The following SDHAF1 variants were observed in gnomAD, a reference collection of about 807,000 sequenced individuals.
The protein encoded by SDHAF1 is succinate dehydrogenase complex assembly factor 1, also known as succinate dehydrogenase assembly factor 1, mitochondrial.
For missense variants in SDHAF1, 198 were observed against 179.0 expected (o/e 1.11, Z -0.61); for synonymous variants, 81 against 85.8 (o/e 0.94, Z 0.31).
In SDHAF1 at chr19:35,995,653, T is replaced by G; in HGVS notation, c.*31T>G. The G allele has an allele frequency of 2.6e-6, 4 of 1,509,894 alleles. No individual in the cohort carries two copies. The highest frequency in any genetic ancestry group is 3.6e-6 in the Non-Finnish European group (4 of 1,110,612). The allele number at this position is 1,509,894 out of a possible 1,614,324, so 93.5% of individuals were successfully genotyped here. A position where few individuals can be genotyped will look rare whatever the true frequency, so the allele number is the denominator to read the frequency against. ...GAAGAGCCGAACTCGCTCGATGGCG[T>G]GGTGGAGCCAGGAGGCTCGCCTGAC... On this transcript the variant is annotated 3_prime_UTR_variant, in exon 1 of 1. Coordinates refer to ENST00000378887, the MANE Select transcript of SDHAF1 (RefSeq NM_001042631.3).
In SDHAF1 at chr19:35,995,424, C is replaced by G. The variant is rs775386930; in HGVS notation, c.150C>G (p.Ile50Met). 5.7e-6 allele frequency: 9 copies of G among 1,571,076 alleles called. 1 individual carries two copies. Among genetic ancestry groups the G allele is most frequent in the South Asian group, 5.7e-5 (5 of 88,318 alleles). The change falls in exon 1 of 1, where the codon ATC (isoleucine) becomes ATG (methionine). Residue 50 changes from isoleucine (I) to methionine (M), a missense_variant. By Grantham distance (10) the Ile-to-Met change is conservative. Transcript: ENST00000378887. ...TGCCGCGGTCCGACGTGCTGCGCAT[C>G]GAGTACCTGTACCGCCGCGGGCGGC... Reference protein sequence around the residue: ...AGLPRSDVLRIEYLYRRGRRQ... With the variant: ...AGLPRSDVLRMEYLYRRGRRQ...
chr19:35,995,432 T>A lies in SDHAF1; in HGVS notation c.158T>A (p.Leu53Gln). Residue 53 changes from leucine to glutamine, a missense_variant, in exon 1 of 1, where the codon CTG becomes CAG. Coordinates refer to ENST00000378887, the MANE Select transcript of SDHAF1 (RefSeq NM_001042631.3). ...TCCGACGTGCTGCGCATCGAGTACC[T>A]GTACCGCCGCGGGCGGCGCCAGCTG... ...PRSDVLRIEY[L>Q]YRRGRRQLQL... 6.4e-7 allele frequency: 1 copy of A among 1,570,190 alleles called. No individual in the cohort carries two copies. Among genetic ancestry groups the A allele is most frequent in the Non-Finnish European group, 8.6e-7 (1 of 1,165,932 alleles).
At position 35,995,756 on chromosome 19, in the gene SDHAF1, C is replaced by A; in HGVS notation, c.*134C>A. On this transcript the variant is annotated 3_prime_UTR_variant, in exon 1 of 1. Transcript: ENST00000378887. ...CTTGACGAATTGGGGATGTCAGAGA[C>A]TCCTCCTTGGCGACGCAGGGGGCCT... 1 of 719,686 alleles carries A rather than the reference C, an allele frequency of 1.4e-6. No homozygotes were observed. Among genetic ancestry groups the A allele is most frequent in the Non-Finnish European group, 2.3e-6 (1 of 426,046 alleles). The allele number at this position is 719,686 out of a possible 1,614,324, so 44.6% of individuals were successfully genotyped here.
Position 35,995,983 on chromosome 19 carries a change from T to TAATGATCCGGC in SDHAF1, c.*361_*362insAATGATCCGGC. On this transcript the variant is annotated 3_prime_UTR_variant, in exon 1 of 1. Coordinates refer to ENST00000378887, the MANE Select transcript of SDHAF1 (RefSeq NM_001042631.3). ...GGGAGAGCCTGAGACGCCCTTCTCT[T>TAATGATCCGGC]GACCCCTGAGAACATACCCACTTCT... 1 of 331,628 alleles carries TAATGATCCGGC rather than the reference T, an allele frequency of 3.0e-6. No individual in the cohort carries two copies. The highest frequency in any genetic ancestry group is 5.9e-6 in the Non-Finnish European group (1 of 169,460). 20.5% of individuals were successfully genotyped at this position (331,628 alleles called of 1,614,324 possible). A position where few individuals can be genotyped will look rare whatever the true frequency, so the allele number is the denominator to read the frequency against.
Position 35,995,471 on chromosome 19 carries a change from C to T in SDHAF1, c.197C>T (p.Ser66Leu), listed in dbSNP as rs753758417. 5 of 1,556,436 alleles carry T rather than the reference C, an allele frequency of 3.2e-6. No homozygotes were observed. Among genetic ancestry groups the T allele is most frequent in the South Asian group, 2.3e-5 (2 of 86,974 alleles). ...RGRRQLQLLRSGHATAMGAFV... is the reference protein window; with the variant it reads ...RGRRQLQLLRLGHATAMGAFV... ...CGGCGCCAGCTGCAGCTGCTACGCT[C>T]GGGCCACGCCACCGCCATGGGCGCC... Residue 66 changes from serine to leucine, a missense_variant, in exon 1 of 1, where the codon TCG (serine) becomes TTG (leucine). Ser to Leu is a moderately radical substitution (Grantham distance 145). Coordinates refer to ENST00000378887, the MANE Select transcript of SDHAF1 (RefSeq NM_001042631.3).
In SDHAF1 at chr19:35,995,358, C is replaced by A; in HGVS notation, c.84C>A (p.Ala28=). The change falls in exon 1 of 1, where the codon GCC becomes GCA. Residue 28 remains alanine, a synonymous_variant. Coordinates refer to ENST00000378887, the MANE Select transcript of SDHAF1 (RefSeq NM_001042631.3). ...GCGCCGGGCGTGGGAAGCCGGGCGCCGAGGCGCGAGTGCGGGCAGAGTTCC... is the reference window on the plus strand; with the variant it reads ...GCGCCGGGCGTGGGAAGCCGGGCGCAGAGGCGCGAGTGCGGGCAGAGTTCC... The part of the protein sequence containing the change: ...LLRAGRGKPG[A]EARVRAEFRQ... 6.4e-7 allele frequency: 1 copy of A among 1,550,612 alleles called. No individual in the cohort carries two copies. Among genetic ancestry groups the A allele is most frequent in the African/African-American group, 1.4e-5 (1 of 73,674 alleles).
rs1976660576 is a variant in SDHAF1, at chr19:35,995,732, T to C, written c.*110T>C. The C allele has an allele frequency of 1.2e-6, 1 of 826,386 alleles. No individual in the cohort carries two copies. Among genetic ancestry groups the C allele is most frequent in the African/African-American group, 1.8e-5 (1 of 56,524 alleles). 51.2% of individuals were successfully genotyped at this position (826,386 alleles called of 1,614,324 possible). A position where few individuals can be genotyped will look rare whatever the true frequency, so the allele number is the denominator to read the frequency against. ...AGGTGAGAGGTCTTAAGAGACTAGC[T>C]TGACGAATTGGGGATGTCAGAGACT... is the stretch of plus-strand genomic sequence containing the variant. On this transcript the variant is annotated 3_prime_UTR_variant, in exon 1 of 1. Coordinates refer to ENST00000378887, the MANE Select transcript of SDHAF1 (RefSeq NM_001042631.3).
At position 35,995,341 on chromosome 19, in the gene SDHAF1, C is replaced by A. The variant is rs868714599; in HGVS notation, c.67C>A (p.Arg23Ser). Residue 23 changes from arginine (R) to serine (S), a missense_variant, in exon 1 of 1, where the codon CGT becomes AGT. Transcript: ENST00000378887. Reference protein sequence around the residue: ...SLYRDLLRAGRGKPGAEARVR... With the variant: ...SLYRDLLRAGSGKPGAEARVR... ...GTACCGCGATCTGCTGCGCGCCGGG[C>A]GTGGGAAGCCGGGCGCCGAGGCGCG... 7 of 1,549,424 alleles carry A rather than the reference C, an allele frequency of 4.5e-6. No homozygotes were observed. The South Asian group carries it at 7.0e-5, about 16-fold the overall frequency.
At position 35,995,199 on chromosome 19, in the gene SDHAF1, C is replaced by G. The variant is rs1976649785; in HGVS notation, c.-76C>G. The G allele has an allele frequency of 1.8e-6, 2 of 1,094,652 alleles. No individual in the cohort carries two copies. The highest frequency in any genetic ancestry group is 2.1e-5 in the Admixed American group (1 of 47,672). 67.8% of individuals were successfully genotyped at this position (1,094,652 alleles called of 1,614,324 possible). On this transcript the variant is annotated 5_prime_UTR_variant, in exon 1 of 1. Coordinates refer to ENST00000378887, the MANE Select transcript of SDHAF1 (RefSeq NM_001042631.3). ...GGGCGGAAGTGGCTGTGGCTTTGCCCTTTGGCCTTTGCTGGCTGTGTGGCG... is the reference window on the plus strand; with the variant it reads ...GGGCGGAAGTGGCTGTGGCTTTGCCGTTTGGCCTTTGCTGGCTGTGTGGCG...
At position 35,995,233 on chromosome 19, in the gene SDHAF1, G is replaced by T. The variant is rs1976650399; in HGVS notation, c.-42G>T. The T allele has an allele frequency of 7.1e-7, 1 of 1,414,680 alleles. No individual in the cohort carries two copies. Among genetic ancestry groups the T allele is most frequent in the Non-Finnish European group, 9.6e-7 (1 of 1,043,896 alleles). The allele number at this position is 1,414,680 out of a possible 1,614,324, so 87.6% of individuals were successfully genotyped here. Reference sequence around the variant, plus strand: ...TTGCTGGCTGTGTGGCGGCTCCGCGGTTCGCAGGTCGTTCGCTGAGCGTCT... The same window carrying T: ...TTGCTGGCTGTGTGGCGGCTCCGCGTTTCGCAGGTCGTTCGCTGAGCGTCT... On this transcript the variant is annotated 5_prime_UTR_variant, in exon 1 of 1. Coordinates refer to ENST00000378887, the MANE Select transcript of SDHAF1 (RefSeq NM_001042631.3).
At position 35,995,560 on chromosome 19, in the gene SDHAF1, G is replaced by C; in HGVS notation, c.286G>C (p.Asp96His). The C allele has an allele frequency of 6.5e-7, 1 of 1,538,170 alleles. No individual in the cohort carries two copies. The highest frequency in any genetic ancestry group is 8.7e-7 in the Non-Finnish European group (1 of 1,145,666). ...GGVGCQPDDG[D>H]SPRNPHDSTG... ...CGTGGGTTGCCAGCCTGACGACGGC[G>C]ACAGTCCAAGGAACCCCCACGACAG... Residue 96 changes from aspartate (D) to histidine (H), a missense_variant, in exon 1 of 1, where the codon GAC becomes CAC. Transcript: ENST00000378887.
chr19:35,995,254 C>G lies in SDHAF1; in HGVS notation c.-21C>G. 1.3e-6 allele frequency: 2 copies of G among 1,508,694 alleles called. No homozygotes were observed. The highest frequency in any genetic ancestry group is 1.8e-6 in the Non-Finnish European group (2 of 1,125,126). The allele number at this position is 1,508,694 out of a possible 1,614,324, so 93.5% of individuals were successfully genotyped here. Reference sequence around the variant, plus strand: ...CGCGGTTCGCAGGTCGTTCGCTGAGCGTCTCTGCTTAGCCGCGGTCATGAG... The same window carrying G: ...CGCGGTTCGCAGGTCGTTCGCTGAGGGTCTCTGCTTAGCCGCGGTCATGAG... On this transcript the variant is annotated 5_prime_UTR_variant, in exon 1 of 1. Transcript: ENST00000378887.
Position 35,995,792 on chromosome 19 carries a change from G to C in SDHAF1, c.*170G>C. ...CGACGCAGGGGGCCTAGAGAGCCCC[G>C]TGATGGACGGCAAGGGAGGCCCGCC... On this transcript the variant is annotated 3_prime_UTR_variant, in exon 1 of 1. Coordinates refer to ENST00000378887, the MANE Select transcript of SDHAF1 (RefSeq NM_001042631.3). 2 of 607,994 alleles carry C rather than the reference G, an allele frequency of 3.3e-6. No individual in the cohort carries two copies. Among genetic ancestry groups the C allele is most frequent in the Non-Finnish European group, 5.8e-6 (2 of 342,268 alleles). 37.7% of individuals were successfully genotyped at this position (607,994 alleles called of 1,614,324 possible).
In SDHAF1 at chr19:35,995,728, T is replaced by C. The variant is rs1182494016; in HGVS notation, c.*106T>C. The stretch of plus-strand genomic sequence containing the variant: ...CCTAAGGTGAGAGGTCTTAAGAGAC[T>C]AGCTTGACGAATTGGGGATGTCAGA... On this transcript the variant is annotated 3_prime_UTR_variant, in exon 1 of 1. Transcript: ENST00000378887. The C allele has an allele frequency of 5.9e-6, 5 of 846,066 alleles. No individual in the cohort carries two copies. In the African/African-American group the frequency reaches 8.8e-5, roughly 15 times the overall value. The allele number at this position is 846,066 out of a possible 1,614,324, so 52.4% of individuals were successfully genotyped here. A position where few individuals can be genotyped will look rare whatever the true frequency, so the allele number is the denominator to read the frequency against.
At position 35,995,597 on chromosome 19, in the gene SDHAF1, C is replaced by T. The variant is rs1454648013; in HGVS notation, c.323C>T (p.Pro108Leu). 6.5e-6 allele frequency: 10 copies of T among 1,547,762 alleles called. No individual in the cohort carries two copies. Among genetic ancestry groups the T allele is most frequent in the Non-Finnish European group, 7.0e-6 (8 of 1,146,974 alleles). Residue 108 changes from proline (P) to leucine (L), a missense_variant, in exon 1 of 1, where the codon CCG (proline) becomes CTG (leucine). Physicochemically the swap from Pro to Leu is moderately conservative, Grantham distance 98. Coordinates refer to ENST00000378887, the MANE Select transcript of SDHAF1 (RefSeq NM_001042631.3). ...PRNPHDSTGA[P>L]ETRPDGR ...AACCCCCACGACAGCACGGGGGCAC[C>T]GGAGACCCGCCCCGACGGACGGTGA...
rs991274662 is a variant in SDHAF1, at chr19:35,995,973, G to A, written c.*351G>A. 6.3e-5 allele frequency: 22 copies of A among 349,972 alleles called. No homozygotes were observed. Among genetic ancestry groups the A allele is most frequent in the African/African-American group, 4.4e-4 (20 of 45,336 alleles). 21.7% of individuals were successfully genotyped at this position (349,972 alleles called of 1,614,324 possible). The stretch of plus-strand genomic sequence containing the variant: ...CCGGTGGACAGGGAGAGCCTGAGAC[G>A]CCCTTCTCTTGACCCCTGAGAACAT... On this transcript the variant is annotated 3_prime_UTR_variant, in exon 1 of 1. Transcript: ENST00000378887.
chr19:35,995,633 G>A lies in SDHAF1; in HGVS notation c.*11G>A, dbSNP rs1222382482. On this transcript the variant is annotated 3_prime_UTR_variant, in exon 1 of 1. Coordinates refer to ENST00000378887, the MANE Select transcript of SDHAF1 (RefSeq NM_001042631.3). ...CCCGACGGACGGTGACAGGCGAAGA[G>A]CCGAACTCGCTCGATGGCGTGGTGG... The A allele has an allele frequency of 6.5e-7, 1 of 1,541,262 alleles. No individual in the cohort carries two copies. The highest frequency in any genetic ancestry group is 8.8e-7 in the Non-Finnish European group (1 of 1,139,362).
chr19:35,995,284 C>T lies in SDHAF1; in HGVS notation c.10C>T (p.His4Tyr). Residue 4 changes from histidine (H) to tyrosine (Y), a missense_variant, in exon 1 of 1, where the codon CAC (histidine) becomes TAC (tyrosine). By Grantham distance (83) the His-to-Tyr change is moderately conservative. Transcript: ENST00000378887. ...CTGCTTAGCCGCGGTCATGAGCCGG[C>T]ACAGCCGGCTGCAGAGGCAGGTTCT... is the stretch of plus-strand genomic sequence containing the variant. MSR[H>Y]SRLQRQVLSL... The T allele has an allele frequency of 1.3e-6, 2 of 1,538,708 alleles. No individual in the cohort carries two copies. Among genetic ancestry groups the T allele is most frequent in the Non-Finnish European group, 1.7e-6 (2 of 1,148,452 alleles).
chr19:35,995,990 T>C lies in SDHAF1; in HGVS notation c.*368T>C. The stretch of plus-strand genomic sequence containing the variant: ...CCTGAGACGCCCTTCTCTTGACCCC[T>C]GAGAACATACCCACTTCTGGCTCCT... On this transcript the variant is annotated 3_prime_UTR_variant, in exon 1 of 1. Transcript: ENST00000378887. 6.6e-6 allele frequency: 2 copies of C among 301,220 alleles called. No individual in the cohort carries two copies. Among genetic ancestry groups the C allele is most frequent in the Non-Finnish European group, 1.3e-5 (2 of 151,142 alleles). The allele number at this position is 301,220 out of a possible 1,614,324, so 18.7% of individuals were successfully genotyped here.
Sources: allele counts gnomAD v4.1 joint callset, GRCh38; gene constraint gnomAD v4.1.1; transcripts MANE v1.5; gene names NCBI Gene and HGNC (gene_info 2026-07-23, HGNC 2026-07-21).